SDK1: variants seen among roughly 807,000 people sequenced by gnomAD.
SDK1 encodes protein sidekick-1.
SDK1 carries 157 observed loss-of-function variants against 245.5 expected under a neutral mutation model. The ratio of observed to expected loss-of-function variants is 0.64; its 90% CI spans 0.56 to 0.73. SDK1 has a LOEUF of 0.73. SDK1 is among the 30% of genes least tolerant of loss of function. The pLI is 0.00. For synonymous variants in SDK1, 1,647 were observed against 1,278.5 expected (o/e 1.29, Z -6.15); for missense variants, 3,583 against 3,002.3 (o/e 1.19, Z -4.52).
At chr7:3,495,600 T>G (rs1276696235) in intron 1 of SDK1, among the ~76,000 whole-genome samples, 3 of 152,204 alleles carry the variant, frequency 2.0e-5, no homozygotes, top group Non-Finnish European at 2.9e-5. Context: ...TCAGGCTCTT[T>G]GCAACATTGA....
At chr7:3,946,107 C>T (rs1323557845) in intron 5 of SDK1, among the ~76,000 whole-genome samples, 1 of 150,006 alleles carries the variant, frequency 6.7e-6, no homozygotes, top group Non-Finnish European at 1.5e-5. Flanking sequence ...ATCAGGTATG[C>T]ATGTCTAGAG....
intron 4 of SDK1, among the ~76,000 whole-genome samples, chr7:3,786,375 T>C (rs1780900096): frequency 6.6e-6 from 1 of 152,198 alleles, no homozygotes; most frequent in Admixed American, 6.5e-5. Context: ...GAAATAGACT[T>C]CCTACAGGGC....
At chr7:3,373,268 A>G (rs900050763) in intron 1 of SDK1, among the ~76,000 whole-genome samples, 1 of 152,216 alleles carries the variant, frequency 6.6e-6, no homozygotes. Context: ...CTTATAATCA[A>G]GTGTTGAAAG....
intron 1 of SDK1, among the ~76,000 whole-genome samples, chr7:3,308,416 G>A (rs1340636193): frequency 1.3e-5 from 2 of 152,212 alleles, no homozygotes; most frequent in East Asian, 3.9e-4. Flanking sequence ...GGGGCTTTTA[G>A]TAAAACAAAG....
chr7:3,497,367 T>G lies in SDK1; in HGVS notation c.299-121713T>G, dbSNP rs567057696. ...TGGGAAATGTCAAGCTATGTACTCT[T>G]CTTTACCTTTTATTTTCTCCTAGAT... On this transcript the variant is annotated intron_variant, in intron 1 of 44. Coordinates refer to ENST00000404826, the MANE Select transcript of SDK1 (RefSeq NM_152744.4). Among the ~76,000 whole-genome samples the G allele has an allele frequency of 7.9e-5, 12 of 152,340 alleles. No individual in the cohort carries two copies. In the East Asian group the frequency reaches 1.7e-3, roughly 22 times the overall value.
intron 30 of SDK1, among the ~76,000 whole-genome samples, chr7:4,157,518 G>T (rs79853812): frequency 1.4e-4 from 19 of 136,892 alleles, no homozygotes; most frequent in African/African-American, 4.5e-4. Flanking sequence ...AGCAAGGAGC[G>T]GGGAGGGAGG....
chr7:4,054,640 T>C (rs552651963), intron 19 of SDK1, among the ~76,000 whole-genome samples: 2 of 152,338 alleles, frequency 1.3e-5, no homozygotes, highest in Non-Finnish European at 2.9e-5. Context: ...TGATTTGCAG[T>C]GTCTAGGATT....
chr7:3,994,952 G>A (rs547665426), intron 14 of SDK1, among the ~76,000 whole-genome samples: 33 of 152,264 alleles, frequency 2.2e-4, no homozygotes, highest in Admixed American at 5.9e-4. Context: ...AGAACCCACC[G>A]CTGGGGCTGG....
chr7:4,129,812 C>T, intron 26 of SDK1, 96 bp from the exon 27 acceptor site: 2 of 1,562,916 alleles, frequency 1.3e-6, no homozygotes, highest in Non-Finnish European at 1.7e-6. Context: ...GCACAGTTGG[C>T]TGGGCCTTGA....
chr7:3,574,505 GC>G (rs1780222800), intron 1 of SDK1, among the ~76,000 whole-genome samples: 1 of 152,030 alleles, frequency 6.6e-6, no homozygotes, highest in South Asian at 2.1e-4. Context: ...AACCAACGGG[GC>G]TAGCATGCTT....
At chr7:3,352,491 G>A (rs1337372372) in intron 1 of SDK1, among the ~76,000 whole-genome samples, 1 of 152,116 alleles carries the variant, frequency 6.6e-6, no homozygotes, top group African/African-American at 2.4e-5. Context: ...TAGTTCACAG[G>A]CTGTGGCTCC....
intron 5 of SDK1, among the ~76,000 whole-genome samples, chr7:3,896,320 T>C (rs1178572743): frequency 6.6e-6 from 1 of 152,218 alleles, no homozygotes; most frequent in Non-Finnish European, 1.5e-5. Context: ...TTCCACCCAG[T>C]GCCCTATGCA....
At position 4,241,663 on chromosome 7, in the gene SDK1, AG is replaced by A. The variant is rs35702787; in HGVS notation, c.6131-128del. The A allele has an allele frequency of 0.014, 14,812 of 1,055,222 alleles. 1,370 individuals are homozygous for A. In the African/African-American group the frequency reaches 0.21, roughly 15 times the overall value. The allele number at this position is 1,055,222 out of a possible 1,614,324, so 65.4% of individuals were successfully genotyped here. A position where few individuals can be genotyped will look rare whatever the true frequency, so the allele number is the denominator to read the frequency against. Reference sequence around the variant, plus strand: ...GCTCAGCCCTAAGCACAGCTGAAGCAGGTATCCTCAGCTCTGGGCTCTGCGT... The same window carrying A: ...GCTCAGCCCTAAGCACAGCTGAAGCAGTATCCTCAGCTCTGGGCTCTGCGT... On this transcript the variant is annotated intron_variant, in intron 42 of 44. Coordinates refer to ENST00000404826, the MANE Select transcript of SDK1 (RefSeq NM_152744.4).
At chr7:3,703,408 A>G (rs1279977629) in intron 4 of SDK1, among the ~76,000 whole-genome samples, 1 of 152,254 alleles carries the variant, frequency 6.6e-6, no homozygotes, top group African/African-American at 2.4e-5. Flanking sequence ...CATTCTCAAA[A>G]TGAGAAAATT....
Position 3,526,918 on chromosome 7 carries a change from C to T in SDK1, c.299-92162C>T, listed in dbSNP as rs1583124753. Among the ~76,000 whole-genome samples the T allele has an allele frequency of 3.3e-5, 5 of 152,202 alleles. No individual in the cohort carries two copies. In the South Asian group the frequency reaches 6.2e-4, roughly 19 times the overall value. On this transcript the variant is annotated intron_variant, in intron 1 of 44. Transcript: ENST00000404826. ...GCTGAGAAAGGCTTTTTCCTTGAGACACTCTCTGCTTACCTTTTATAATGT... is the reference window on the plus strand; with the variant it reads ...GCTGAGAAAGGCTTTTTCCTTGAGATACTCTCTGCTTACCTTTTATAATGT...
intron 1 of SDK1, among the ~76,000 whole-genome samples, chr7:3,502,319 G>A (rs1053504027): frequency 4.0e-5 from 6 of 151,760 alleles, no homozygotes; most frequent in Middle Eastern, 3.4e-3. Flanking sequence ...GCAGAATCTC[G>A]GCTCACTGCA....
chr7:4,130,142 G>A, intron 27 of SDK1, 45 bp downstream of exon 27: 1 of 1,513,488 alleles, frequency 6.6e-7, no homozygotes, highest in Non-Finnish European at 8.9e-7. Context: ...TGCCTCCCAG[G>A]TTGGCCTTTC....
At chr7:4,248,911 A>G (rs1029676544) in intron 44 of SDK1, among the ~76,000 whole-genome samples, 2 of 152,186 alleles carry the variant, frequency 1.3e-5, no homozygotes, top group East Asian at 3.8e-4. Context: ...GCATACCACC[A>G]TGCACACATA....
chr7:3,757,116 T>C (rs1364495095), intron 4 of SDK1, among the ~76,000 whole-genome samples: 1 of 152,174 alleles, frequency 6.6e-6, no homozygotes, highest in Non-Finnish European at 1.5e-5. Context: ...CTCCCAGCGT[T>C]AGCACAGACC....
Sources: allele counts gnomAD v4.1 joint callset (sites outside exome capture counted in the v4.1 genomes callset), GRCh38; gene constraint gnomAD v4.1.1; transcripts MANE v1.5; gene names NCBI Gene and HGNC (gene_info 2026-07-23, HGNC 2026-07-21).